Variants in TRMT11 observed in about 807,000 individuals in gnomAD.
TRMT11 encodes the protein tRNA methyltransferase 11.
A neutral mutation model predicts 62.8 loss-of-function variants in TRMT11; 53 were observed. The observed-to-expected ratio is 0.84, with a 90% CI of 0.68 to 1.06. The LOEUF (loss-of-function observed/expected upper bound fraction) is 1.06. Ranked by LOEUF, TRMT11 falls within the 50% of genes least tolerant of loss-of-function variation. The probability of loss-of-function intolerance (pLI) is 0.00; values close to 1 mark genes in which losing one functional copy is unlikely to be tolerated. For missense variants in TRMT11, 556 were observed against 553.4 expected (o/e 1.00, Z -0.05); for synonymous variants, 188 against 190.3 (o/e 0.99, Z 0.10).
chr6:126,035,713 G>A (rs1775060747), intron 12 of TRMT11, among the ~76,000 whole-genome samples: 2 of 152,054 alleles, frequency 1.3e-5, no homozygotes, highest in South Asian at 4.1e-4. Context: ...AATGTCTTAA[G>A]TAGTGAGTGT....
chr6:126,255,267 T>C, the TRMT11 span, among the ~76,000 whole-genome samples: 2 of 152,224 alleles, frequency 1.3e-5, no homozygotes, highest in African/African-American at 4.8e-5. Context: ...ATAGCTAGAA[T>C]TGAAAGCAAA....
downstream of TRMT11, among the ~76,000 whole-genome samples, chr6:126,207,658 C>T (rs1216519290): frequency 6.6e-6 from 1 of 152,208 alleles, no homozygotes; most frequent in African/African-American, 2.4e-5. Flanking sequence ...GCTGCTATAT[C>T]TCATGGCCAC....
intron 21 of TRMT11, among the ~76,000 whole-genome samples, chr6:126,129,439 C>T (rs1777755547): frequency 6.6e-6 from 1 of 152,102 alleles, no homozygotes; most frequent in African/African-American, 2.4e-5. Context: ...GTTAAAATTA[C>T]AAACCAACCC....
the TRMT11 span, among the ~76,000 whole-genome samples, chr6:126,249,624 C>T: frequency 6.6e-6 from 1 of 152,006 alleles, no homozygotes; most frequent in African/African-American, 2.4e-5. Flanking sequence ...TATTTGAAGA[C>T]ACAGATGAGC....
chr6:126,224,977 T>C, the TRMT11 span, among the ~76,000 whole-genome samples: 1 of 152,144 alleles, frequency 6.6e-6, no homozygotes, highest in African/African-American at 2.4e-5. Flanking sequence ...CATCCGAGTC[T>C]GCACTGCAAG....
intron 17 of TRMT11, among the ~76,000 whole-genome samples, chr6:126,099,267 C>T (rs373325981): frequency 2.0e-5 from 3 of 152,078 alleles, no homozygotes; most frequent in Non-Finnish European, 4.4e-5. Context: ...GTGTTAATAC[C>T]GCACATCTTT....
intron 12 of TRMT11, among the ~76,000 whole-genome samples, chr6:126,023,299 T>G (rs1562278482): frequency 6.6e-6 from 1 of 152,330 alleles, no homozygotes; most frequent in African/African-American, 2.4e-5. Flanking sequence ...AGCCCTCTTA[T>G]TTAACGTCCA....
chr6:126,188,154 T>G (rs1159696538), intron 1 of TRMT11, among the ~76,000 whole-genome samples: 3 of 151,860 alleles, frequency 2.0e-5, no homozygotes, highest in Non-Finnish European at 2.9e-5. Context: ...TTAGAAGATA[T>G]CATCAACCCC....
chr6:126,124,470 T>C (rs904888604), intron 21 of TRMT11, among the ~76,000 whole-genome samples: 3 of 152,146 alleles, frequency 2.0e-5, no homozygotes, highest in African/African-American at 4.8e-5. Context: ...TCCTTTGCTG[T>C]GAGACTGCTG....
chr6:126,256,649 A>T, the TRMT11 span, among the ~76,000 whole-genome samples: 1 of 152,206 alleles, frequency 6.6e-6, no homozygotes, highest in African/African-American at 2.4e-5. Context: ...TTCCATTCAA[A>T]AAAGGGGAAA....
chr6:126,026,896 G>A (rs529407428), intron 12 of TRMT11, among the ~76,000 whole-genome samples: 4 of 145,446 alleles, frequency 2.8e-5, no homozygotes, highest in Non-Finnish European at 6.0e-5. Context: ...TCCGCCTCCC[G>A]GGTTCACGCC....
chr6:126,097,145 T>C (rs964964305), intron 17 of TRMT11, among the ~76,000 whole-genome samples: 3 of 152,194 alleles, frequency 2.0e-5, no homozygotes, highest in Admixed American at 1.3e-4. Flanking sequence ...GGTGGTAATA[T>C]GAAATAGAGG....
chr6:126,027,997 A>G (rs1720959359), intron 12 of TRMT11, among the ~76,000 whole-genome samples: 1 of 152,190 alleles, frequency 6.6e-6, no homozygotes. Flanking sequence ...GAATGATAGT[A>G]GTGTTGCTGA....
intron 1 of TRMT11, among the ~76,000 whole-genome samples, chr6:125,988,956 G>A (rs565740634): frequency 2.6e-5 from 4 of 152,220 alleles, no homozygotes; most frequent in South Asian, 4.1e-4. Context: ...GGATTGGAAA[G>A]CCCCCTTCTG....
intron 1 of TRMT11, among the ~76,000 whole-genome samples, chr6:125,991,784 C>A (rs1344607637): frequency 1.3e-5 from 2 of 152,102 alleles, no homozygotes; most frequent in African/African-American, 4.8e-5. Context: ...CCAGTTTTAC[C>A]TCTGATAGAG....
At chr6:126,145,255 G>C (rs551011271) in intron 21 of TRMT11, among the ~76,000 whole-genome samples, 4 of 152,276 alleles carry the variant, frequency 2.6e-5, no homozygotes, top group Admixed American at 6.5e-5. Flanking sequence ...TGAGCATTTT[G>C]GAACTTTAAT....
chr6:126,007,380 A>G (rs983063479), intron 7 of TRMT11, among the ~76,000 whole-genome samples: 6 of 152,030 alleles, frequency 3.9e-5, no homozygotes, highest in African/African-American at 1.4e-4. Flanking sequence ...TATAAGGGAA[A>G]GAGCCCCAGT....
At chr6:126,076,699 G>T (rs1287223121) in intron 17 of TRMT11, among the ~76,000 whole-genome samples, 1 of 152,106 alleles carries the variant, frequency 6.6e-6, no homozygotes, top group Non-Finnish European at 1.5e-5. Context: ...TGGTAGAATT[G>T]TTGCTTTTAT....
At chr6:126,127,080 T>C (rs984995422) in intron 21 of TRMT11, among the ~76,000 whole-genome samples, 3 of 151,986 alleles carry the variant, frequency 2.0e-5, no homozygotes, top group African/African-American at 7.2e-5. Context: ...AAGAAGGAGG[T>C]TGATGACCGG....
Sources: gnomAD v4.1 joint callset for allele counts (sites outside exome capture counted in the v4.1 genomes callset) on GRCh38, gnomAD v4.1.1 for gene constraint, MANE v1.5 for transcripts, NCBI Gene and HGNC (gene_info 2026-07-23, HGNC 2026-07-21) for gene names.